DSCAM: variants seen among roughly 807,000 people sequenced by gnomAD.
The protein encoded by DSCAM is DS cell adhesion molecule.
DSCAM carries 47 observed loss-of-function variants against 217.7 expected under a neutral mutation model. The observed-to-expected ratio is 0.22, with a 90% confidence interval of 0.17 to 0.28. The LOEUF is 0.28. DSCAM is among the 10% of genes least tolerant of loss of function. The pLI, the probability that DSCAM is intolerant of heterozygous loss-of-function variation, is 1.00. For missense variants in DSCAM, 2,080 were observed against 2,618.3 expected, an observed-to-expected ratio of 0.79 and a Z score of 4.49; for synonymous variants, 1,056 against 1,015.3, an observed-to-expected ratio of 1.04 and a Z score of -0.76.
intron 32 of DSCAM, among the ~76,000 whole-genome samples, chr21:40,020,275 C>T (rs2088238982): frequency 6.6e-6 from 1 of 152,212 alleles, no homozygotes; most frequent in Admixed American, 6.5e-5. Context: ...CTTCCCCAGC[C>T]ACATGGAACT....
At chr21:40,113,150 C>T (rs536332133) in intron 20 of DSCAM, among the ~76,000 whole-genome samples, 22 of 152,142 alleles carry the variant, frequency 1.4e-4, no homozygotes, top group African/African-American at 5.1e-4. Flanking sequence ...TGATGAACAT[C>T]GATGCAAAAA....
chr21:40,440,854 G>A (rs1332630081), intron 3 of DSCAM, among the ~76,000 whole-genome samples: 1 of 152,200 alleles, frequency 6.6e-6, no homozygotes, highest in Non-Finnish European at 1.5e-5. Flanking sequence ...TATGTAAATT[G>A]AACAGCACTT....
At chr21:40,108,236 A>G (rs1290065815) in intron 20 of DSCAM, among the ~76,000 whole-genome samples, 1 of 152,214 alleles carries the variant, frequency 6.6e-6, no homozygotes, top group Admixed American at 6.5e-5. Context: ...CTATTTGTAG[A>G]TGGCATGATT....
intron 1 of DSCAM, among the ~76,000 whole-genome samples, chr21:40,733,780 C>T (rs1353036313): frequency 6.6e-6 from 1 of 152,180 alleles, no homozygotes; most frequent in South Asian, 2.1e-4. Flanking sequence ...TAAGTTGCAG[C>T]AAGACCCTGC....
chr21:40,797,640 T>C (rs1048058879), intron 1 of DSCAM, among the ~76,000 whole-genome samples: 3 of 152,012 alleles, frequency 2.0e-5, no homozygotes, highest in Admixed American at 6.5e-5. Flanking sequence ...GTACTTGTTA[T>C]GTAGAATTCA....
rs144578743 is a variant in DSCAM, at chr21:40,544,000, T to C, written c.508+148810A>G. ...TTTAACTTTGAAAATGCCTGTTCCATAGACAGTAAGTGCCAAGTTGAACTC... is the reference window on the plus strand; with the variant it reads ...TTTAACTTTGAAAATGCCTGTTCCACAGACAGTAAGTGCCAAGTTGAACTC... On this transcript the variant is annotated intron_variant, in intron 3 of 32. Coordinates refer to ENST00000400454, the MANE Select transcript of DSCAM (RefSeq NM_001389.5). Among the ~76,000 whole-genome samples, 14 of 152,320 alleles carry C rather than the reference T, an allele frequency of 9.2e-5. No homozygotes were observed. The East Asian group carries it at 2.5e-3, about 27-fold the overall frequency.
intron 3 of DSCAM, among the ~76,000 whole-genome samples, chr21:40,380,834 C>G (rs930836329): frequency 6.6e-6 from 1 of 151,990 alleles, no homozygotes; most frequent in Non-Finnish European, 1.5e-5. Flanking sequence ...GAGGCCGAGG[C>G]GGGCGGATCA....
chr21:40,408,267 G>GTTA lies in DSCAM; in HGVS notation c.509-39025_509-39023dup, dbSNP rs542541286. ...CGTGGATGATGAGAAAGAAAGAATG[G>GTTA]TTACTAAGTTGGAAGGTCTGTGATA... On this transcript the variant is annotated intron_variant, in intron 3 of 32. Transcript: ENST00000400454. Among the ~76,000 whole-genome samples the GTTA allele has an allele frequency of 2.1e-3, 319 of 152,206 alleles. 1 individual carries two copies. The highest frequency in any genetic ancestry group is 7.3e-3 in the African/African-American group (304 of 41,540).
At chr21:40,563,545 G>A (rs529710505) in intron 3 of DSCAM, among the ~76,000 whole-genome samples, 44 of 135,690 alleles carry the variant, frequency 3.2e-4, no homozygotes, top group African/African-American at 1.2e-3. Context: ...ATAGTTATAT[G>A]TTTATATATG....
intron 28 of DSCAM, among the ~76,000 whole-genome samples, chr21:40,057,342 G>T (rs79522296): frequency 0.034 from 5,240 of 152,212 alleles, 150 homozygotes; most frequent in African/African-American, 0.073. Context: ...TCAAATAAAA[G>T]GAGGAGCATT....
intron 1 of DSCAM, among the ~76,000 whole-genome samples, chr21:40,752,983 C>T (rs1016712030): frequency 2.0e-5 from 3 of 149,548 alleles, no homozygotes; most frequent in Admixed American, 1.3e-4. Context: ...TGGCTAACAC[C>T]CTGTCACGTG....
At chr21:40,578,999 A>C in intron 3 of DSCAM, among the ~76,000 whole-genome samples, 1 of 152,320 alleles carries the variant, frequency 6.6e-6, no homozygotes, top group South Asian at 2.1e-4. Flanking sequence ...CATGCAAACA[A>C]AACAACAATA....
At chr21:40,608,597 T>C (rs2089273561) in intron 3 of DSCAM, among the ~76,000 whole-genome samples, 1 of 152,242 alleles carries the variant, frequency 6.6e-6, no homozygotes, top group Admixed American at 6.5e-5. Flanking sequence ...ATGCGTTGTA[T>C]TCTTAGTAGA....
intron 1 of DSCAM, among the ~76,000 whole-genome samples, chr21:40,734,340 A>G (rs1232079276): frequency 6.6e-6 from 1 of 152,176 alleles, no homozygotes; most frequent in Non-Finnish European, 1.5e-5. Context: ...TCCCAAACCC[A>G]TCTCTCAGAT....
rs530028139 is a variant in DSCAM, at chr21:40,507,253, G to A, written c.509-138008C>T. Among the ~76,000 whole-genome samples, 138 of 152,056 alleles carry A rather than the reference G, an allele frequency of 9.1e-4. 1 individual carries two copies. Among genetic ancestry groups the A allele is most frequent in the Middle Eastern group, 3.4e-3 (1 of 294 alleles). On this transcript the variant is annotated intron_variant, in intron 3 of 32. Transcript: ENST00000400454. ...GATCACGTCACTGTACTCCAGCCTG[G>A]GTGGCAGAGCTAGAATACATCTCAA... is the stretch of plus-strand genomic sequence containing the variant.
chr21:40,093,632 G>A, intron 21 of DSCAM, 89 bp downstream of exon 21: 1 of 1,461,570 alleles, frequency 6.8e-7, no homozygotes, highest in Non-Finnish European at 9.4e-7. Flanking sequence ...TTGATTTTTA[G>A]GAAAGTGTAA....
chr21:40,340,274 A>G (rs953082000), intron 6 of DSCAM, among the ~76,000 whole-genome samples: 2 of 152,238 alleles, frequency 1.3e-5, no homozygotes, highest in African/African-American at 2.4e-5. Flanking sequence ...CTAGGATCTT[A>G]ATCTTAGAGA....
chr21:40,327,855 G>A (rs2074334591), intron 8 of DSCAM, among the ~76,000 whole-genome samples: 2 of 151,952 alleles, frequency 1.3e-5, no homozygotes, highest in African/African-American at 2.4e-5. Context: ...CACTAATAGT[G>A]AACTATCTGA....
At chr21:40,457,891 C>T (rs2075776418) in intron 3 of DSCAM, among the ~76,000 whole-genome samples, 1 of 152,112 alleles carries the variant, frequency 6.6e-6, no homozygotes, top group Non-Finnish European at 1.5e-5. Context: ...GTAGCAGACA[C>T]AGTTAAAACA....
Sources: allele counts gnomAD v4.1 joint callset (sites outside exome capture counted in the v4.1 genomes callset), GRCh38; gene constraint gnomAD v4.1.1; transcripts MANE v1.5; gene names NCBI Gene and HGNC (gene_info 2026-07-23, HGNC 2026-07-21).